The following CLIC5 variants were observed in gnomAD, a reference collection of about 807,000 sequenced individuals.
The protein encoded by CLIC5 is CLIC family member 5.
In CLIC5, 20 loss-of-function variants were observed where a neutral mutation model predicts 24.7. The ratio of observed to expected loss-of-function variants is 0.81; its 90% confidence interval spans 0.57 to 1.18. CLIC5 has a LOEUF of 1.18. Among genes scored for constraint, CLIC5 ranks in the 50% most tolerant of loss-of-function variants. CLIC5 has a pLI of 0.00. For synonymous variants in CLIC5, 159 were observed against 135.6 expected, an observed-to-expected ratio of 1.17 and a Z score of -1.20; for missense variants, 341 against 326.1, an observed-to-expected ratio of 1.05 and a Z score of -0.35.
the CLIC5 span, among the ~76,000 whole-genome samples, chr6:46,124,513 T>C: frequency 6.4e-4 from 97 of 152,306 alleles, no homozygotes; most frequent in African/African-American, 2.3e-3. Flanking sequence ...GACATAGGCA[T>C]GGGCAAGGAC....
downstream of CLIC5, among the ~76,000 whole-genome samples, chr6:45,895,759 T>C (rs1486022051): frequency 6.6e-6 from 1 of 152,188 alleles, no homozygotes; most frequent in Admixed American, 6.5e-5. Flanking sequence ...GTGGTAACAG[T>C]GACTAACACA....
intron 1 of CLIC5, among the ~76,000 whole-genome samples, chr6:45,966,810 C>T (rs1001355446): frequency 6.6e-6 from 1 of 152,208 alleles, no homozygotes; most frequent in African/African-American, 2.4e-5. Context: ...GCATGGAGAG[C>T]CCATTTTGGA....
At chr6:46,106,955 AT>A in the CLIC5 span, among the ~76,000 whole-genome samples, 42 of 152,368 alleles carry the variant, frequency 2.8e-4, no homozygotes, top group African/African-American at 9.6e-4. Context: ...AGTCAAAGCT[AT>A]AAAGTCTTTT....
At chr6:45,904,470 C>T (rs1166902899) in intron 5 of CLIC5, among the ~76,000 whole-genome samples, 3 of 151,718 alleles carry the variant, frequency 2.0e-5, no homozygotes, top group South Asian at 2.1e-4. Context: ...TGATTTAATG[C>T]TCTGGGGTCA....
intron 2 of CLIC5, among the ~76,000 whole-genome samples, chr6:45,953,301 G>A (rs566090317): frequency 6.6e-6 from 1 of 152,250 alleles, no homozygotes; most frequent in African/African-American, 2.4e-5. Context: ...CTCAGAACTT[G>A]ATGAAACACT....
chr6:45,912,697 G>C (rs1175311369), intron 5 of CLIC5: 1 of 1,535,318 alleles, frequency 6.5e-7, no homozygotes, highest in Admixed American at 2.0e-5. Context: ...GACACAGTGT[G>C]ACTGAGCTGG....
At chr6:46,092,973 C>A in the CLIC5 span, among the ~76,000 whole-genome samples, 1 of 152,114 alleles carries the variant, frequency 6.6e-6, no homozygotes, top group Non-Finnish European at 1.5e-5. Context: ...CACTCTAATC[C>A]AAAAACTTAT....
the CLIC5 span, among the ~76,000 whole-genome samples, chr6:46,114,053 GGA>G: frequency 1.3e-5 from 2 of 152,170 alleles, no homozygotes; most frequent in African/African-American, 4.8e-5. Flanking sequence ...GAAATGGAGA[GGA>G]GAGAGTTTAT....
At chr6:45,983,096 C>A (rs1414098848) in intron 1 of CLIC5, among the ~76,000 whole-genome samples, 1 of 152,166 alleles carries the variant, frequency 6.6e-6, no homozygotes, top group East Asian at 1.9e-4. Context: ...AGGAGGTGGG[C>A]TTCCTTGTAA....
chr6:46,085,585 A>C, the CLIC5 span, among the ~76,000 whole-genome samples: 1 of 152,224 alleles, frequency 6.6e-6, no homozygotes, highest in African/African-American at 2.4e-5. Flanking sequence ...GCTGCAGAAC[A>C]GCAGATTTTC....
chr6:46,119,280 T>C, the CLIC5 span, among the ~76,000 whole-genome samples: 10 of 152,346 alleles, frequency 6.6e-5, no homozygotes, highest in African/African-American at 2.4e-4. Flanking sequence ...TTTCCTGACT[T>C]CTTGCAGCTG....
intron 1 of CLIC5, among the ~76,000 whole-genome samples, chr6:45,963,488 T>C (rs1486217396): frequency 6.6e-6 from 1 of 152,180 alleles, no homozygotes; most frequent in Non-Finnish European, 1.5e-5. Context: ...CTTATTTTTC[T>C]TGCTGACATC....
intron 1 of CLIC5, among the ~76,000 whole-genome samples, chr6:46,045,002 G>T (rs775109653): frequency 6.6e-6 from 1 of 152,058 alleles, no homozygotes; most frequent in Non-Finnish European, 1.5e-5. Context: ...TAGCATGCTT[G>T]CCATAAATAA....
the CLIC5 span, among the ~76,000 whole-genome samples, chr6:46,127,292 C>A: frequency 1.3e-5 from 2 of 152,000 alleles, no homozygotes; most frequent in African/African-American, 4.8e-5. Flanking sequence ...ACTATAGTCA[C>A]CCTACTCTCC....
At position 45,948,516 on chromosome 6, in the gene CLIC5, T is replaced by C. The variant is rs1452698997; in HGVS notation, c.299+740A>G. 6.6e-5 allele frequency among the ~76,000 whole-genome samples: 10 copies of C among 152,234 alleles called. No individual in the cohort carries two copies. The South Asian group carries it at 2.1e-3, about 32-fold the overall frequency. On this transcript the variant is annotated intron_variant, in intron 3 of 5. Coordinates refer to ENST00000339561, the MANE Select transcript of CLIC5 (RefSeq NM_016929.5). ...CACTACAGGATAATACCCTACAGGA[T>C]AAAGTTCATGCCTCACTCTATATGT... is the stretch of plus-strand genomic sequence containing the variant.
chr6:46,035,567 T>G (rs1225552876), intron 1 of CLIC5, among the ~76,000 whole-genome samples: 3 of 152,232 alleles, frequency 2.0e-5, no homozygotes, highest in Admixed American at 2.0e-4. Context: ...TAACAGAGAC[T>G]CACATCAAAA....
chr6:46,006,635 C>T lies in CLIC5; in HGVS notation c.63+8845G>A, dbSNP rs186571159. Among the ~76,000 whole-genome samples the T allele has an allele frequency of 3.3e-5, 5 of 151,914 alleles. No homozygotes were observed. The East Asian group carries it at 7.8e-4, about 24-fold the overall frequency. On this transcript the variant is annotated intron_variant, in intron 1 of 5. Transcript: ENST00000339561. ...ATTCCTTGATCACCTTGGCTAACTC[C>T]TCACGTGCCTCATTCCTCCCTCTCA...
intron 1 of CLIC5, among the ~76,000 whole-genome samples, chr6:46,052,526 A>C (rs1768131994): frequency 6.6e-6 from 1 of 152,238 alleles, no homozygotes; most frequent in Non-Finnish European, 1.5e-5. Context: ...TATAGCTCAG[A>C]ATAAACCCTA....
intron 1 of CLIC5, among the ~76,000 whole-genome samples, chr6:46,007,694 A>C (rs551033119): frequency 7.2e-5 from 11 of 152,210 alleles, no homozygotes; most frequent in Admixed American, 2.0e-4. Context: ...GTATATCCCA[A>C]AGTGTTAGAT....
Sources: allele counts gnomAD v4.1 joint callset (sites outside exome capture counted in the v4.1 genomes callset), GRCh38; gene constraint gnomAD v4.1.1; transcripts MANE v1.5; gene names NCBI Gene and HGNC (gene_info 2026-07-23, HGNC 2026-07-21).